SPATS2L: variants seen among roughly 807,000 people sequenced by gnomAD.
The protein encoded by SPATS2L is spermatogenesis associated serine rich 2 like.
In SPATS2L, 30 loss-of-function variants were observed where a neutral mutation model predicts 59.6. That is an observed-to-expected ratio of 0.50 (90% CI 0.38 to 0.68). SPATS2L has a LOEUF of 0.68. Ranked by LOEUF, SPATS2L falls within the 30% of genes least tolerant of loss-of-function variation. SPATS2L has a pLI of 0.00. For missense variants in SPATS2L, 615 were observed against 700.0 expected (o/e 0.88, Z 1.37); for synonymous variants, 252 against 263.5 (o/e 0.96, Z 0.42).
intron 8 of SPATS2L, among the ~76,000 whole-genome samples, chr2:200,457,652 T>C (rs1291377984): frequency 6.6e-6 from 1 of 152,228 alleles, no homozygotes; most frequent in Non-Finnish European, 1.5e-5. Context: ...TTGTCTGCAG[T>C]TGAGGGACTA....
chr2:200,459,205 A>G (rs1188621576), intron 8 of SPATS2L, among the ~76,000 whole-genome samples: 1 of 152,234 alleles, frequency 6.6e-6, no homozygotes, highest in Non-Finnish European at 1.5e-5. Flanking sequence ...GAAAAAGTTC[A>G]TTAGAACCTT....
At chr2:200,386,546 G>A (rs1272790011) in intron 2 of SPATS2L, among the ~76,000 whole-genome samples, 1 of 152,140 alleles carries the variant, frequency 6.6e-6, no homozygotes, top group Non-Finnish European at 1.5e-5. Context: ...CTCTTCAATG[G>A]AATTCCTCCC....
intron 1 of SPATS2L, among the ~76,000 whole-genome samples, chr2:200,318,945 G>A (rs7604901): frequency 1.2e-3 from 187 of 152,248 alleles, no homozygotes; most frequent in African/African-American, 4.4e-3. Context: ...AGCCCATTTC[G>A]ATTTGGACTT....
At chr2:200,310,656 C>G in intron 1 of SPATS2L, among the ~76,000 whole-genome samples, 1 of 152,214 alleles carries the variant, frequency 6.6e-6, no homozygotes, top group East Asian at 1.9e-4. Flanking sequence ...ATTGCCCAGC[C>G]TCTCAACTTG....
At chr2:200,310,295 G>A (rs537673239) in intron 1 of SPATS2L, among the ~76,000 whole-genome samples, 1 of 152,332 alleles carries the variant, frequency 6.6e-6, no homozygotes, top group South Asian at 2.1e-4. Context: ...GACTGGAGAT[G>A]TAGGAACCAT....
At chr2:200,336,527 A>G (rs2080148663) in intron 2 of SPATS2L, among the ~76,000 whole-genome samples, 2 of 152,232 alleles carry the variant, frequency 1.3e-5, no homozygotes, top group South Asian at 2.1e-4. Flanking sequence ...TATCACAGGC[A>G]GGTCATCATA....
intron 2 of SPATS2L, among the ~76,000 whole-genome samples, chr2:200,333,093 C>G (rs295113): frequency 0.46 from 69,930 of 151,266 alleles, 16,783 homozygotes; most frequent in African/African-American, 0.59. Flanking sequence ...CCAGCCTGGG[C>G]AACATGGTGA....
chr2:200,363,401 C>T (rs1359865172), intron 2 of SPATS2L, among the ~76,000 whole-genome samples: 1 of 152,188 alleles, frequency 6.6e-6, no homozygotes, highest in African/African-American at 2.4e-5. Context: ...TCGTCTTCTT[C>T]AGCTGTAGCC....
chr2:200,415,359 A>G (rs576342986), intron 4 of SPATS2L, among the ~76,000 whole-genome samples: 1 of 152,326 alleles, frequency 6.6e-6, no homozygotes, highest in East Asian at 1.9e-4. Context: ...TTTGAAATTT[A>G]TTATAAAGAC....
At chr2:200,398,232 T>C (rs979514416) in intron 3 of SPATS2L, among the ~76,000 whole-genome samples, 1 of 152,188 alleles carries the variant, frequency 6.6e-6, no homozygotes, top group Non-Finnish European at 1.5e-5. Context: ...TCAACTGTGT[T>C]GATTTCCGTA....
intron 3 of SPATS2L, among the ~76,000 whole-genome samples, chr2:200,396,068 T>TATATATATATATATATATATGTATA (rs58104978): frequency 4.0e-5 from 1 of 25,172 alleles, no homozygotes; most frequent in African/African-American, 1.4e-4. Flanking sequence ...ATATATATAT[T>TATATATATATATATATATATGTATA]TTCCCATAGA....
chr2:200,456,406 T>C (rs2085836477), intron 8 of SPATS2L, among the ~76,000 whole-genome samples: 1 of 152,188 alleles, frequency 6.6e-6, no homozygotes, highest in Non-Finnish European at 1.5e-5. Flanking sequence ...AGGGTGTGCA[T>C]TAAGCAGATT....
At chr2:200,443,783 G>A (rs1327091795) in intron 8 of SPATS2L, among the ~76,000 whole-genome samples, 1 of 152,168 alleles carries the variant, frequency 6.6e-6, no homozygotes, top group Non-Finnish European at 1.5e-5. Flanking sequence ...GATTTTGAGA[G>A]GCTGGGAGCA....
intron 6 of SPATS2L, among the ~76,000 whole-genome samples, chr2:200,432,235 T>C (rs1411703351): frequency 2.0e-5 from 3 of 152,144 alleles, no homozygotes; most frequent in African/African-American, 7.2e-5. Context: ...TGCTGCAGCA[T>C]AGAATACAGA....
At chr2:200,311,532 G>A (rs1401369167) in intron 1 of SPATS2L, among the ~76,000 whole-genome samples, 2 of 152,174 alleles carry the variant, frequency 1.3e-5, no homozygotes, top group Non-Finnish European at 2.9e-5. Context: ...TAAAAGTTCA[G>A]CTAATTGGCT....
chr2:200,420,209 A>G (rs977375596), intron 6 of SPATS2L, among the ~76,000 whole-genome samples: 1 of 152,182 alleles, frequency 6.6e-6, no homozygotes, highest in Admixed American at 6.5e-5. Context: ...TTTCTGAAAA[A>G]TAAGGAAACT....
chr2:200,428,082 A>G (rs539449662), intron 6 of SPATS2L, among the ~76,000 whole-genome samples: 1 of 152,106 alleles, frequency 6.6e-6, no homozygotes, highest in East Asian at 1.9e-4. Context: ...ACAAAAAAAA[A>G]AAGGAGTTTT....
chr2:200,420,826 C>A (rs1400982923), intron 6 of SPATS2L, among the ~76,000 whole-genome samples: 1 of 152,076 alleles, frequency 6.6e-6, no homozygotes, highest in Non-Finnish European at 1.5e-5. Context: ...CAGATTAATT[C>A]TTTGTTGTGT....
chr2:200,335,388 A>AG (rs2080109171), intron 2 of SPATS2L, among the ~76,000 whole-genome samples: 2 of 94,450 alleles, frequency 2.1e-5, no homozygotes, highest in South Asian at 1.5e-3. Context: ...CAAAAAAAAA[A>AG]GAAAGAAAAA....
Sources: allele counts gnomAD v4.1 joint callset (sites outside exome capture counted in the v4.1 genomes callset), GRCh38; gene constraint gnomAD v4.1.1; transcripts MANE v1.5; gene names NCBI Gene and HGNC (gene_info 2026-07-23, HGNC 2026-07-21).